The following ZBTB43 variants were observed in gnomAD, a reference collection of about 807,000 sequenced individuals.
The protein encoded by ZBTB43 is zinc finger and BTB domain containing 43.
ZBTB43 carries 6 observed loss-of-function variants against 31.1 expected under a neutral mutation model. The ratio of observed to expected loss-of-function variants is 0.19; its 90% CI spans 0.11 to 0.38. The LOEUF is 0.38. Ranked by LOEUF, ZBTB43 falls within the 10% of genes least tolerant of loss-of-function variation. The pLI is 1.00. For missense variants in ZBTB43, 379 were observed against 602.1 expected (o/e 0.63, Z 3.88); for synonymous variants, 212 against 221.7 (o/e 0.96, Z 0.39).
At chr9:126,831,531 G>A (rs1286700701) in intron 2 of ZBTB43, 1 of 151,934 alleles carries the variant, frequency 6.6e-6, no homozygotes, top group Non-Finnish European at 1.5e-5. Flanking sequence ...CAGGAGCGGT[G>A]GTTCATGCCT....
Position 126,809,997 on chromosome 9 carries a change from G to GACACTCTA in ZBTB43, c.-24+1082_-24+1083insACACTCTA, listed in dbSNP as rs1588350857. Among the ~76,000 whole-genome samples, 7 of 151,884 alleles carry GACACTCTA rather than the reference G, an allele frequency of 4.6e-5. No homozygotes were observed. The East Asian group carries it at 1.4e-3, about 29-fold the overall frequency. ...TTACAGGTGCCGGCCACCACACCCG[G>GACACTCTA]CTAATTTTTTTGTATTTTTAGTAGA... is the stretch of plus-strand genomic sequence containing the variant. On this transcript the variant is annotated intron_variant, in intron 2 of 2. Coordinates refer to ENST00000373464, the MANE Select transcript of ZBTB43 (RefSeq NM_014007.4).
chr9:126,820,347 C>T (rs1258171551), intron 2 of ZBTB43, among the ~76,000 whole-genome samples: 1 of 152,114 alleles, frequency 6.6e-6, no homozygotes, highest in African/African-American at 2.4e-5. Flanking sequence ...GAGGCCACTG[C>T]TCAGGTACCA....
intron 2 of ZBTB43, among the ~76,000 whole-genome samples, chr9:126,811,779 C>T (rs550784197): frequency 2.1e-4 from 32 of 152,310 alleles, no homozygotes; most frequent in African/African-American, 7.0e-4. Flanking sequence ...GCACCCACCA[C>T]CACACGCAGC....
At chr9:126,813,376 C>G (rs549151696) in intron 2 of ZBTB43, among the ~76,000 whole-genome samples, 7 of 152,334 alleles carry the variant, frequency 4.6e-5, no homozygotes, top group South Asian at 4.1e-4. Flanking sequence ...GTCAGCAGAT[C>G]AACCTTCCTT....
chr9:126,833,343 A>G lies in ZBTB43; in HGVS notation c.834A>G (p.Thr278=), dbSNP rs990750582. The G allele has an allele frequency of 5.6e-6, 9 of 1,612,976 alleles. No individual in the cohort carries two copies. Among genetic ancestry groups the G allele is most frequent in the South Asian group, 2.2e-5 (2 of 90,914 alleles). Reference sequence around the variant, plus strand: ...CAGAGTCCATCAACACCGTGCAGACAGAGCACACGGTGCAGCCTTCGGGAG... The same window carrying G: ...CAGAGTCCATCAACACCGTGCAGACGGAGCACACGGTGCAGCCTTCGGGAG... ...QVTESINTVQ[T]EHTVQPSGVE... is the part of the protein sequence containing the mutation. Residue 278 remains threonine (T), a synonymous_variant, in exon 3 of 3, where the codon ACA becomes ACG. Coordinates refer to ENST00000373464, the MANE Select transcript of ZBTB43 (RefSeq NM_014007.4). The surrounding 1 kb of genome is among the most constrained non-coding windows in gnomAD (Gnocchi z 7.9).
rs1327031954 is a variant in ZBTB43 at position 126,805,072 on chromosome 9, C to G, written c.-207C>G. ...TTGCGGCAGCTGAGGCTACAACAGGCCTGCGCCGGCGGCAGAGAGGATATC... is the reference window on the plus strand; with the variant it reads ...TTGCGGCAGCTGAGGCTACAACAGGGCTGCGCCGGCGGCAGAGAGGATATC... On this transcript the variant is annotated 5_prime_UTR_variant, in exon 1 of 3. Transcript: ENST00000373464. 6.6e-6 allele frequency: 1 copy of G among 152,508 alleles called. No individual in the cohort carries two copies. Among genetic ancestry groups the G allele is most frequent in the Non-Finnish European group, 1.5e-5 (1 of 68,272 alleles). 9.4% of individuals were successfully genotyped at this position (152,508 alleles called of 1,614,324 possible). A position where few individuals can be genotyped will look rare whatever the true frequency, so the allele number is the denominator to read the frequency against.
At chr9:126,813,646 A>T (rs556606651) in intron 2 of ZBTB43, among the ~76,000 whole-genome samples, 1 of 152,220 alleles carries the variant, frequency 6.6e-6, no homozygotes, top group Non-Finnish European at 1.5e-5. Flanking sequence ...AGTGTCTTCA[A>T]CATATCATAC....
At chr9:126,827,387 C>A (rs879492717) in intron 2 of ZBTB43, among the ~76,000 whole-genome samples, 2 of 152,180 alleles carry the variant, frequency 1.3e-5, no homozygotes, top group African/African-American at 2.4e-5. Flanking sequence ...TCCTCCACCC[C>A]CTCCTCTTGT....
chr9:126,804,707 ACTC>A (rs1159831955), upstream of ZBTB43, among the ~76,000 whole-genome samples: 2 of 152,014 alleles, frequency 1.3e-5, no homozygotes, highest in African/African-American at 4.8e-5. Flanking sequence ...ATGGTCTCGA[ACTC>A]CTAGCCTCAA....
chr9:126,830,318 TTGTC>T (rs752611001), intron 2 of ZBTB43, among the ~76,000 whole-genome samples: 5 of 152,230 alleles, frequency 3.3e-5, no homozygotes, highest in African/African-American at 1.2e-4. Flanking sequence ...CTTTCAGTCT[TTGTC>T]TGGGTTGTCT....
upstream of ZBTB43, among the ~76,000 whole-genome samples, chr9:126,804,398 T>C (rs1339622861): frequency 4.6e-5 from 7 of 152,186 alleles, no homozygotes; most frequent in African/African-American, 1.7e-4. Context: ...GATTTGGAGA[T>C]AATCTCCGCC....
At chr9:126,808,198 T>C (rs1588349594) in intron 1 of ZBTB43, among the ~76,000 whole-genome samples, 1 of 152,198 alleles carries the variant, frequency 6.6e-6, no homozygotes, top group Non-Finnish European at 1.5e-5. Flanking sequence ...GGGGGGTTAG[T>C]TTCTAGAACG....
chr9:126,832,866 C>T lies in ZBTB43; in HGVS notation c.357C>T (p.Cys119=). The stretch of plus-strand genomic sequence containing the variant: ...AGATGTGGCATGTGGTAGACAAATG[C>T]ACTGAAGTTTTAGAGGGAAACCCTA... ...FLQMWHVVDK[C]TEVLEGNPTV... Residue 119 remains cysteine (C), a synonymous_variant, in exon 3 of 3, where the codon TGC becomes TGT. Coordinates refer to ENST00000373464, the MANE Select transcript of ZBTB43 (RefSeq NM_014007.4). The T allele has an allele frequency of 6.2e-7, 1 of 1,614,088 alleles. No individual in the cohort carries two copies. Among genetic ancestry groups the T allele is most frequent in the Non-Finnish European group, 8.5e-7 (1 of 1,180,038 alleles).
At chr9:126,810,493 GTC>G (rs2119110023) in intron 2 of ZBTB43, among the ~76,000 whole-genome samples, 1 of 106,726 alleles carries the variant, frequency 9.4e-6, no homozygotes, top group African/African-American at 3.1e-5. Context: ...GTGCCCAGCC[GTC>G]TTTTTTTTTT....
intron 2 of ZBTB43, among the ~76,000 whole-genome samples, chr9:126,818,722 C>T (rs550397101): frequency 6.6e-6 from 1 of 152,196 alleles, no homozygotes; most frequent in South Asian, 2.1e-4. Flanking sequence ...ATCCCACTTG[C>T]TGGTGGTGTA....
Position 126,810,166 on chromosome 9 carries a change from GTTTGTTTGTTCATTTGTTTGTTTA to G in ZBTB43, c.-24+1262_-24+1285del, listed in dbSNP as rs1366574817. Among the ~76,000 whole-genome samples, 8 of 151,478 alleles carry G rather than the reference GTTTGTTTGTTCATTTGTTTGTTTA, an allele frequency of 5.3e-5. No homozygotes were observed. The East Asian group carries it at 1.6e-3, about 30-fold the overall frequency. On this transcript the variant is annotated intron_variant, in intron 2 of 2. Transcript: ENST00000373464. ...CTGCTGGTATCTTATTAAGGTTTTT[GTTTGTTTGTTCATTTGTTTGTTTA>G]TTTGTTTGTTTGTTTGTTTTTGAGA...
intron 2 of ZBTB43, among the ~76,000 whole-genome samples, chr9:126,813,109 T>C (rs972112581): frequency 2.0e-5 from 3 of 151,990 alleles, no homozygotes; most frequent in African/African-American, 7.2e-5. Context: ...GCCTCCCGAA[T>C]AGCTGGGATA....
At chr9:126,811,035 A>G (rs1004449192) in intron 2 of ZBTB43, among the ~76,000 whole-genome samples, 40 of 151,696 alleles carry the variant, frequency 2.6e-4, no homozygotes, top group African/African-American at 9.2e-4. Flanking sequence ...CAACCTGGCC[A>G]ACATGGTGAA....
intron 2 of ZBTB43, chr9:126,831,554 C>T (rs2032763262): frequency 6.6e-6 from 1 of 151,926 alleles, no homozygotes; most frequent in South Asian, 2.1e-4. Flanking sequence ...AATCCCAACA[C>T]TTTAGGAGGC....
Sources: allele counts gnomAD v4.1 joint callset (sites outside exome capture counted in the v4.1 genomes callset), GRCh38; gene constraint gnomAD v4.1.1; non-coding constraint Gnocchi (gnomAD v3.1); transcripts MANE v1.5; gene names NCBI Gene and HGNC (gene_info 2026-07-23, HGNC 2026-07-21).